PCDHB13: variants seen among roughly 807,000 people sequenced by gnomAD.
The protein encoded by PCDHB13 is protocadherin beta-13.
For missense variants in PCDHB13, 1,065 were observed against 1,016.7 expected (o/e 1.05, Z -0.65); for synonymous variants, 515 against 450.7 (o/e 1.14, Z -1.81).
rs2910005 is a variant in PCDHB13 at position 141,216,053 on chromosome 5, G to A, written c.1930G>A (p.Val644Ile). 0.16 allele frequency: 257,045 copies of A among 1,606,026 alleles called. 21,232 individuals are homozygous for A. Among genetic ancestry groups the A allele is most frequent in the Middle Eastern group, 0.19 (838 of 4,444 alleles). The change falls in exon 1 of 1, where the codon GTC (valine) becomes ATC (isoleucine). Residue 644 changes from valine (V) to isoleucine (I), a missense_variant. Transcript: ENST00000341948. ...GGCCAAGCACAGGCTGGTGGTGCTG[G>A]TCAAGGACAATGGCGAGCCTCCGCG... ...DAAKHRLVVL[V>I]KDNGEPPRSA...
rs1554287550 is a variant in PCDHB13 at position 141,214,165 on chromosome 5, C to T, written c.42C>T (p.Val14=). ...SGKLICRQRQ[V]LFSFLLLGLS... ...AGCTCATTTGCAGACAAAGGCAAGTCCTTTTTTCCTTTCTCCTTTTGGGCT... is the reference window on the plus strand; with the variant it reads ...AGCTCATTTGCAGACAAAGGCAAGTTCTTTTTTCCTTTCTCCTTTTGGGCT... Residue 14 remains valine, a synonymous_variant, in exon 1 of 1, where the codon GTC becomes GTT. Coordinates refer to ENST00000341948, the MANE Select transcript of PCDHB13 (RefSeq NM_018933.4). 5 of 1,613,534 alleles carry T rather than the reference C, an allele frequency of 3.1e-6. No homozygotes were observed. The highest frequency in any genetic ancestry group is 4.2e-6 in the Non-Finnish European group (5 of 1,179,828).
chr5:141,218,235 A>C lies in PCDHB13; in HGVS notation c.*1715A>C, dbSNP rs1343522972. 1 of 166,542 alleles carries C rather than the reference A, an allele frequency of 6.0e-6. No individual in the cohort carries two copies. The highest frequency in any genetic ancestry group is 2.4e-5 in the African/African-American group (1 of 41,410). The allele number at this position is 166,542 out of a possible 1,614,324, so 10.3% of individuals were successfully genotyped here. On this transcript the variant is annotated 3_prime_UTR_variant, in exon 1 of 1. Coordinates refer to ENST00000341948, the MANE Select transcript of PCDHB13 (RefSeq NM_018933.4). ...AAGTGCTATGATTACAGGTATGAGC[A>C]CCTGGCCTCAACTACTTCTTGAAGA...
At position 141,214,987 on chromosome 5, in the gene PCDHB13, G is replaced by A. The variant is rs782543213; in HGVS notation, c.864G>A (p.Glu288=). The A allele has an allele frequency of 8.7e-6, 14 of 1,614,082 alleles. No homozygotes were observed. The highest frequency in any genetic ancestry group is 1.2e-5 in the Non-Finnish European group (14 of 1,179,994). The change falls in exon 1 of 1, where the codon GAG becomes GAA. Residue 288 remains glutamate, a synonymous_variant. Transcript: ENST00000341948. ...ISYSLFQASE[E]IGKTFKINPL... is the part of the protein sequence containing the mutation. The stretch of plus-strand genomic sequence containing the variant: ...ATTCACTTTTCCAAGCTTCAGAAGA[G>A]ATTGGCAAAACCTTTAAGATCAATC...
In PCDHB13 at chr5:141,215,510, A is replaced by T; in HGVS notation, c.1387A>T (p.Asn463Tyr). ...CTCCTACACCCTGTTCGTCCGCGAG[A>T]ACAACAGCCCCGCCCTGCACATCCG... ...QTSYTLFVRE[N>Y]NSPALHIRSV... is the part of the protein sequence containing the mutation. The change falls in exon 1 of 1, where the codon AAC becomes TAC. Residue 463 changes from asparagine (N) to tyrosine (Y), a missense_variant. Transcript: ENST00000341948. The T allele has an allele frequency of 6.2e-7, 1 of 1,614,016 alleles. No homozygotes were observed. The highest frequency in any genetic ancestry group is 8.5e-7 in the Non-Finnish European group (1 of 1,179,962).
rs782417425 is a variant in PCDHB13 at position 141,215,863 on chromosome 5, C to T, written c.1740C>T (p.Ala580=). Residue 580 remains alanine (A), a synonymous_variant, in exon 1 of 1, where the codon GCC becomes GCT. Transcript: ENST00000341948. ...GCACCGAGCTGGTGCCCCGGGCGGCCGAGCCGGGCTACCTGGTGACCAAGG... is the reference window on the plus strand; with the variant it reads ...GCACCGAGCTGGTGCCCCGGGCGGCTGAGCCGGGCTACCTGGTGACCAAGG... ...APCTELVPRA[A]EPGYLVTKVV... is the part of the protein sequence containing the mutation. 65 of 1,607,362 alleles carry T rather than the reference C, an allele frequency of 4.0e-5. No individual in the cohort carries two copies. Among genetic ancestry groups the T allele is most frequent in the South Asian group, 1.8e-4 (16 of 90,874 alleles).
At position 141,216,088 on chromosome 5, in the gene PCDHB13, C is replaced by A. The variant is rs1554288099; in HGVS notation, c.1965C>A (p.Thr655=). Reference sequence around the variant, plus strand: ...ATGGCGAGCCTCCGCGCTCGGCCACCGCCACGCTGCACGTGCTCCTGGTGG... The same window carrying A: ...ATGGCGAGCCTCCGCGCTCGGCCACAGCCACGCTGCACGTGCTCCTGGTGG... ...KDNGEPPRSA[T]ATLHVLLVDG... Residue 655 remains threonine (T), a synonymous_variant, in exon 1 of 1, where the codon ACC becomes ACA. Transcript: ENST00000341948. The A allele has an allele frequency of 3.1e-6, 5 of 1,606,982 alleles. No individual in the cohort carries two copies. The Admixed American group carries it at 8.3e-5, about 27-fold the overall frequency.
At position 141,216,988 on chromosome 5, in the gene PCDHB13, C is replaced by T. The variant is rs1754631780; in HGVS notation, c.*468C>T. The T allele has an allele frequency of 4.0e-6, 1 of 250,818 alleles. No individual in the cohort carries two copies. The highest frequency in any genetic ancestry group is 1.4e-4 in the East Asian group (1 of 6,902). 15.5% of individuals were successfully genotyped at this position (250,818 alleles called of 1,614,324 possible). A position where few individuals can be genotyped will look rare whatever the true frequency, so the allele number is the denominator to read the frequency against. On this transcript the variant is annotated 3_prime_UTR_variant, in exon 1 of 1. Coordinates refer to ENST00000341948, the MANE Select transcript of PCDHB13 (RefSeq NM_018933.4). ...AGTTAACCTTTAAATATGCTTTTTG[C>T]TTTCAAAAATAAACCAGAAAACCTA...
chr5:141,213,992 G>A lies in PCDHB13; in HGVS notation c.-132G>A, dbSNP rs73791828. 6.5e-3 allele frequency: 4,606 copies of A among 711,612 alleles called. 144 individuals carry two copies. The African/African-American group carries it at 0.073, about 11-fold the overall frequency. The allele number at this position is 711,612 out of a possible 1,614,324, so 44.1% of individuals were successfully genotyped here. A position where few individuals can be genotyped will look rare whatever the true frequency, so the allele number is the denominator to read the frequency against. ...GAGCTTGGATGCCAAAGGGAGGACG[G>A]CTGGGTCCTCTGGAGAGGACTACTC... On this transcript the variant is annotated 5_prime_UTR_variant, in exon 1 of 1. Transcript: ENST00000341948.
rs548288387 is a variant in PCDHB13 at position 141,218,231 on chromosome 5, G to A, written c.*1711G>A. ...CCCAAAGTGCTATGATTACAGGTAT[G>A]AGCACCTGGCCTCAACTACTTCTTG... On this transcript the variant is annotated 3_prime_UTR_variant, in exon 1 of 1. Transcript: ENST00000341948. The A allele has an allele frequency of 1.4e-3, 232 of 166,468 alleles. 2 individuals are homozygous for A. The highest frequency in any genetic ancestry group is 2.4e-3 in the Non-Finnish European group (162 of 68,162). The allele number at this position is 166,468 out of a possible 1,614,324, so 10.3% of individuals were successfully genotyped here. A position where few individuals can be genotyped will look rare whatever the true frequency, so the allele number is the denominator to read the frequency against.
rs3822334 is a variant in PCDHB13 at position 141,214,825 on chromosome 5, G to C, written c.702G>C (p.Leu234=). The C allele has an allele frequency of 6.2e-7, 1 of 1,614,052 alleles. No homozygotes were observed. The highest frequency in any genetic ancestry group is 8.5e-7 in the Non-Finnish European group (1 of 1,180,030). The change falls in exon 1 of 1, where the codon CTG becomes CTC. Residue 234 remains leucine (L), a synonymous_variant. Coordinates refer to ENST00000341948, the MANE Select transcript of PCDHB13 (RefSeq NM_018933.4). ...SGTAQVYIEV[L]DVNDNAPEFE... ...CTGCTCAGGTCTACATCGAAGTCCT[G>C]GATGTCAACGATAATGCCCCTGAAT...
Position 141,217,894 on chromosome 5 carries a change from A to G in PCDHB13, c.*1374A>G, listed in dbSNP as rs1754650970. 6.0e-6 allele frequency: 1 copy of G among 167,116 alleles called. No individual in the cohort carries two copies. The highest frequency in any genetic ancestry group is 2.1e-4 in the South Asian group (1 of 4,832). The allele number at this position is 167,116 out of a possible 1,614,324, so 10.4% of individuals were successfully genotyped here. ...AAGAGGAAATTCATGGGGATGAGCA[A>G]AATGACTACTTCCAGTGCCACAGAC... On this transcript the variant is annotated 3_prime_UTR_variant, in exon 1 of 1. Transcript: ENST00000341948.
rs782262286 is a variant in PCDHB13 at position 141,215,048 on chromosome 5, G to T, written c.925G>T (p.Asp309Tyr). The change falls in exon 1 of 1, where the codon GAT (aspartate) becomes TAT (tyrosine). Residue 309 changes from aspartate (D) to tyrosine (Y), a missense_variant. Coordinates refer to ENST00000341948, the MANE Select transcript of PCDHB13 (RefSeq NM_018933.4). ...TGEIELKKQL[D>Y]FEKLQSYEVN... ...AGAAATTGAACTAAAAAAACAACTC[G>T]ATTTCGAAAAACTTCAGTCCTATGA... 34 of 1,613,902 alleles carry T rather than the reference G, an allele frequency of 2.1e-5. No individual in the cohort carries two copies. The Admixed American group carries it at 5.5e-4, about 26-fold the overall frequency.
Position 141,214,392 on chromosome 5 carries a change from A to G in PCDHB13, c.269A>G (p.Lys90Arg), listed in dbSNP as rs1554287601. 1 of 1,410,062 alleles carries G rather than the reference A, an allele frequency of 7.1e-7. No homozygotes were observed. Among genetic ancestry groups the G allele is most frequent in the Non-Finnish European group, 9.9e-7 (1 of 1,005,126 alleles). The allele number at this position is 1,410,062 out of a possible 1,614,324, so 87.3% of individuals were successfully genotyped here. A position where few individuals can be genotyped will look rare whatever the true frequency, so the allele number is the denominator to read the frequency against. Reference protein sequence around the residue: ...QETADLLLNEKLDREDLCGHT... With the variant: ...QETADLLLNERLDREDLCGHT... ...ACCGCGGATTTGTTGCTAAATGAGA[A>G]ATTGGACCGTGAGGATCTGTGCGGT... The change falls in exon 1 of 1, where the codon AAA becomes AGA. Residue 90 changes from lysine to arginine, a missense_variant. By Grantham distance (26) the Lys-to-Arg change is conservative. Coordinates refer to ENST00000341948, the MANE Select transcript of PCDHB13 (RefSeq NM_018933.4).
Position 141,215,812 on chromosome 5 carries a change from C to T in PCDHB13, c.1689C>T (p.Tyr563=), listed in dbSNP as rs373214032. The T allele has an allele frequency of 6.2e-7, 1 of 1,611,278 alleles. No individual in the cohort carries two copies. Among genetic ancestry groups the T allele is most frequent in the South Asian group, 1.1e-5 (1 of 90,968 alleles). Residue 563 remains tyrosine (Y), a synonymous_variant, in exon 1 of 1, where the codon TAC becomes TAT. Transcript: ENST00000341948. ...ACGACAACTCGCCCTTCGTGCTGTA[C>T]CCGCTGCAGAACGGCTCCGCGCCCT... The part of the protein sequence containing the change: ...DANDNSPFVL[Y]PLQNGSAPCT...
Position 141,217,970 on chromosome 5 carries a change from G to C in PCDHB13, c.*1450G>C, listed in dbSNP as rs1754652239. 6.0e-6 allele frequency: 1 copy of C among 165,848 alleles called. No homozygotes were observed. Among genetic ancestry groups the C allele is most frequent in the Non-Finnish European group, 1.5e-5 (1 of 68,158 alleles). 10.3% of individuals were successfully genotyped at this position (165,848 alleles called of 1,614,324 possible). A position where few individuals can be genotyped will look rare whatever the true frequency, so the allele number is the denominator to read the frequency against. ...ATTTTTTGAGACAAGGTCCTGTTCT[G>C]TCACCCAGGCTGGAGTGCAGTGGTG... is the stretch of plus-strand genomic sequence containing the variant. On this transcript the variant is annotated 3_prime_UTR_variant, in exon 1 of 1. Coordinates refer to ENST00000341948, the MANE Select transcript of PCDHB13 (RefSeq NM_018933.4).
Position 141,215,767 on chromosome 5 carries a change from C to A in PCDHB13, c.1644C>A (p.Arg548=), listed in dbSNP as rs138065651. The A allele has an allele frequency of 7.6e-4, 1,227 of 1,611,878 alleles. 6 individuals are homozygous for A. The highest frequency in any genetic ancestry group is 3.8e-4 in the South Asian group (35 of 90,980). ...CGCTGAGCAGCGAGGCGCTGGTGCG[C>A]GTGGTGGTGCTGGACGCCAACGACA... The part of the protein sequence containing the change: ...SPALSSEALV[R]VVVLDANDNS... Residue 548 remains arginine, a synonymous_variant, in exon 1 of 1, where the codon CGC becomes CGA. Transcript: ENST00000341948.
At position 141,217,178 on chromosome 5, in the gene PCDHB13, T is replaced by A. The variant is rs1554288286; in HGVS notation, c.*658T>A. 6.0e-6 allele frequency: 1 copy of A among 166,866 alleles called. No homozygotes were observed. Among genetic ancestry groups the A allele is most frequent in the Non-Finnish European group, 1.5e-5 (1 of 68,490 alleles). The allele number at this position is 166,866 out of a possible 1,614,324, so 10.3% of individuals were successfully genotyped here. On this transcript the variant is annotated 3_prime_UTR_variant, in exon 1 of 1. Coordinates refer to ENST00000341948, the MANE Select transcript of PCDHB13 (RefSeq NM_018933.4). ...TATGAAGCTATAATTTTTTAATTAA[T>A]GTCACAAAGCTCTAGTGCAATCTAG...
In PCDHB13 at chr5:141,215,044, A is replaced by G; in HGVS notation, c.921A>G (p.Gln307=). The part of the protein sequence containing the change: ...PLTGEIELKK[Q]LDFEKLQSYE... ...CAGGAGAAATTGAACTAAAAAAACAACTCGATTTCGAAAAACTTCAGTCCT... is the reference window on the plus strand; with the variant it reads ...CAGGAGAAATTGAACTAAAAAAACAGCTCGATTTCGAAAAACTTCAGTCCT... Residue 307 remains glutamine, a synonymous_variant, in exon 1 of 1, where the codon CAA becomes CAG. Coordinates refer to ENST00000341948, the MANE Select transcript of PCDHB13 (RefSeq NM_018933.4). The G allele has an allele frequency of 1.2e-6, 2 of 1,614,094 alleles. No individual in the cohort carries two copies. Among genetic ancestry groups the G allele is most frequent in the Non-Finnish European group, 1.7e-6 (2 of 1,180,020 alleles).
rs1158411292 is a variant in PCDHB13, at chr5:141,216,834, A to T, written c.*314A>T. 4 of 381,998 alleles carry T rather than the reference A, an allele frequency of 1.0e-5. No individual in the cohort carries two copies. The highest frequency in any genetic ancestry group is 2.0e-5 in the Non-Finnish European group (4 of 200,354). The allele number at this position is 381,998 out of a possible 1,614,324, so 23.7% of individuals were successfully genotyped here. On this transcript the variant is annotated 3_prime_UTR_variant, in exon 1 of 1. Coordinates refer to ENST00000341948, the MANE Select transcript of PCDHB13 (RefSeq NM_018933.4). ...CCACTATTATGCTTATGGTAAAATT[A>T]AATAGAGCAATTTGGAAGTGATTCC...
Sources: allele counts gnomAD v4.1 joint callset, GRCh38; gene constraint gnomAD v4.1.1; transcripts MANE v1.5; gene names NCBI Gene and HGNC (gene_info 2026-07-23, HGNC 2026-07-21).